ITGB1: variants seen among roughly 807,000 people sequenced by gnomAD.
ITGB1 encodes integrin subunit beta 1.
In ITGB1, 24 loss-of-function variants were observed where a neutral mutation model predicts 86.5. The observed-to-expected ratio is 0.28, with a 90% CI of 0.20 to 0.39. The LOEUF (loss-of-function observed/expected upper bound fraction) is 0.39, where lower values mean the gene tolerates loss of function less well. Ranked by LOEUF, ITGB1 falls within the 10% of genes least tolerant of loss-of-function variation. ITGB1 has a pLI of 1.00. For missense variants in ITGB1, 556 were observed against 946.9 expected, an observed-to-expected ratio of 0.59 and a Z score of 5.42; for synonymous variants, 323 against 316.8, an observed-to-expected ratio of 1.02 and a Z score of -0.21.
intron 11 of ITGB1, among the ~76,000 whole-genome samples, chr10:32,916,112 C>G (rs901248799): frequency 1.1e-4 from 16 of 152,078 alleles, no homozygotes; most frequent in African/African-American, 3.9e-4. Flanking sequence ...ATTCAACAGC[C>G]CTTCATGCTA....
chr10:32,911,220 T>C (rs556982455), intron 13 of ITGB1, among the ~76,000 whole-genome samples: 1 of 152,294 alleles, frequency 6.6e-6, no homozygotes, highest in East Asian at 1.9e-4. Context: ...ATCTAGCACA[T>C]TCAGATCAAA....
At chr10:32,948,940 G>A (rs964647626) in intron 1 of ITGB1, among the ~76,000 whole-genome samples, 11 of 145,214 alleles carry the variant, frequency 7.6e-5, no homozygotes, top group East Asian at 5.9e-4. Flanking sequence ...ATATGATTTC[G>A]TTCAGGGACT....
intron 6 of ITGB1, among the ~76,000 whole-genome samples, chr10:32,925,474 T>C (rs1011575067): frequency 1.3e-5 from 2 of 152,176 alleles, no homozygotes; most frequent in African/African-American, 4.8e-5. Flanking sequence ...CACTCTCCCT[T>C]TGAGCAATTT....
At chr10:32,951,063 T>C (rs562072946) in intron 1 of ITGB1, among the ~76,000 whole-genome samples, 8 of 152,138 alleles carry the variant, frequency 5.3e-5, no homozygotes, top group Non-Finnish European at 1.0e-4. Flanking sequence ...AGGTAAAGCC[T>C]GGAAACTTAA....
chr10:32,914,622 A>T (rs931163822), intron 11 of ITGB1, among the ~76,000 whole-genome samples: 3 of 152,222 alleles, frequency 2.0e-5, no homozygotes, highest in Non-Finnish European at 4.4e-5. Context: ...TGACTATCCT[A>T]AATATATATG....
intron 14 of ITGB1, among the ~76,000 whole-genome samples, chr10:32,909,105 T>C (rs2094905576): frequency 6.6e-6 from 1 of 152,102 alleles, no homozygotes; most frequent in South Asian, 2.1e-4. Context: ...AAGAATAAAG[T>C]TGGAAGACCC....
intron 3 of ITGB1, among the ~76,000 whole-genome samples, chr10:32,930,625 A>C (rs1329332288): frequency 1.3e-5 from 2 of 152,220 alleles, no homozygotes; most frequent in Non-Finnish European, 2.9e-5. Context: ...TATTATTGTA[A>C]ATAAGTTTTT....
intron 15 of ITGB1, chr10:32,907,205 T>A: frequency 1.6e-6 from 1 of 609,672 alleles, no homozygotes; most frequent in Non-Finnish European, 2.8e-6. Context: ...TTTATAGTGT[T>A]TGAACACTAT....
rs528821863 is a variant in ITGB1, at chr10:32,918,235, C to A, written c.1469+1650G>T. ...GGCAGGGATAGCATTAGGAGATATA[C>A]CTAATGTAAATGACGAGTTAATGGG... On this transcript the variant is annotated intron_variant, in intron 11 of 15. Coordinates refer to ENST00000302278, the MANE Select transcript of ITGB1 (RefSeq NM_002211.4). Among the ~76,000 whole-genome samples the A allele has an allele frequency of 3.7e-3, 559 of 152,100 alleles. 5 individuals carry two copies. The highest frequency in any genetic ancestry group is 0.013 in the African/African-American group (522 of 41,460).
Position 32,907,219 on chromosome 10 carries a change from T to C in ITGB1, c.2331+1149A>G, listed in dbSNP as rs549209527. 102 of 479,902 alleles carry C rather than the reference T, an allele frequency of 2.1e-4. 2 individuals are homozygous for C. Among genetic ancestry groups the C allele is most frequent in the South Asian group, 2.0e-3 (98 of 50,132 alleles). 29.7% of individuals were successfully genotyped at this position (479,902 alleles called of 1,614,324 possible). On this transcript the variant is annotated intron_variant, in intron 15 of 15. Coordinates refer to ENST00000302278, the MANE Select transcript of ITGB1 (RefSeq NM_002211.4). Reference sequence around the variant, plus strand: ...CTTTATAGTGTTTGAACACTATAAATGTCTTTTTTTTTATTTCTACCCTTC... The same window carrying C: ...CTTTATAGTGTTTGAACACTATAAACGTCTTTTTTTTTATTTCTACCCTTC...
chr10:32,910,089 T>G lies in ITGB1; in HGVS notation c.2164+134A>C, dbSNP rs147071650. The stretch of plus-strand genomic sequence containing the variant: ...CAGTTAATTAGATAATATTTTAAGC[T>G]TTGAGAGATGAAAAATTTCCCAACT... On this transcript the variant is annotated intron_variant, in intron 14 of 15. Transcript: ENST00000302278. 3 of 642,180 alleles carry G rather than the reference T, an allele frequency of 4.7e-6. No homozygotes were observed. The African/African-American group carries it at 5.5e-5, about 12-fold the overall frequency. The allele number at this position is 642,180 out of a possible 1,614,324, so 39.8% of individuals were successfully genotyped here.
chr10:32,948,848 G>A (rs1006784513), intron 1 of ITGB1, among the ~76,000 whole-genome samples: 3 of 151,884 alleles, frequency 2.0e-5, no homozygotes, highest in African/African-American at 7.3e-5. Context: ...CTAAGACAAG[G>A]TTCTTACATC....
chr10:32,913,940 G>T (rs1026684251), intron 11 of ITGB1, among the ~76,000 whole-genome samples: 6 of 152,170 alleles, frequency 3.9e-5, no homozygotes, highest in Non-Finnish European at 5.9e-5. Flanking sequence ...CCCACAAAGG[G>T]AAGCCCATCA....
Position 32,936,687 on chromosome 10 carries a change from A to T in ITGB1, c.1-1129T>A, listed in dbSNP as rs572697938. Among the ~76,000 whole-genome samples, 22 of 152,326 alleles carry T rather than the reference A, an allele frequency of 1.4e-4. No individual in the cohort carries two copies. In the South Asian group the frequency reaches 4.6e-3, roughly 32 times the overall value. ...CTATTTTCTCTGAATCAAAGCTTTC[A>T]CGATGATATGAATCTATATCTTTGA... is the stretch of plus-strand genomic sequence containing the variant. On this transcript the variant is annotated intron_variant, in intron 1 of 15. Transcript: ENST00000302278.
At position 32,943,840 on chromosome 10, in the gene ITGB1, G is replaced by C. The variant is rs139771619; in HGVS notation, c.1-8282C>G. ...GAAAAAGAGAAAAAGCCAATACAAAGATACTATCTTTACCATACTGAGTAC... is the reference window on the plus strand; with the variant it reads ...GAAAAAGAGAAAAAGCCAATACAAACATACTATCTTTACCATACTGAGTAC... On this transcript the variant is annotated intron_variant, in intron 1 of 15. Transcript: ENST00000302278. Among the ~76,000 whole-genome samples, 269 of 152,320 alleles carry C rather than the reference G, an allele frequency of 1.8e-3. 4 individuals carry two copies. The highest frequency in any genetic ancestry group is 0.015 in the Admixed American group (230 of 15,304).
At chr10:32,947,542 T>C (rs1295288387) in intron 1 of ITGB1, among the ~76,000 whole-genome samples, 1 of 152,056 alleles carries the variant, frequency 6.6e-6, no homozygotes, top group Non-Finnish European at 1.5e-5. Context: ...GGGGCATATG[T>C]AGCTCTTATA....
chr10:32,923,250 G>A (rs928076629), intron 7 of ITGB1, among the ~76,000 whole-genome samples: 6 of 152,148 alleles, frequency 3.9e-5, no homozygotes, highest in African/African-American at 7.2e-5. Flanking sequence ...AAAACAAAGA[G>A]TATGAGACTA....
intron 1 of ITGB1, among the ~76,000 whole-genome samples, chr10:32,946,963 G>A (rs2095032763): frequency 6.6e-6 from 1 of 151,926 alleles, no homozygotes; most frequent in South Asian, 2.1e-4. Context: ...TCCTGCCTCA[G>A]CCTCTGAGTA....
chr10:32,904,441 GATT>G (rs1008595624), intron 15 of ITGB1, among the ~76,000 whole-genome samples: 1 of 152,204 alleles, frequency 6.6e-6, no homozygotes, highest in Non-Finnish European at 1.5e-5. Context: ...AAGTGTGGGA[GATT>G]TGGGAGCCAC....
Sources: gnomAD v4.1 joint callset for allele counts (sites outside exome capture counted in the v4.1 genomes callset) on GRCh38, gnomAD v4.1.1 for gene constraint, MANE v1.5 for transcripts, NCBI Gene and HGNC (gene_info 2026-07-23, HGNC 2026-07-21) for gene names.